The following PDE8B variants were observed in gnomAD, a reference collection of about 807,000 sequenced individuals.
PDE8B encodes the protein high affinity cAMP-specific and IBMX-insensitive 3',5'-cyclic phosphodiesterase 8B.
A neutral mutation model predicts 101.3 loss-of-function variants in PDE8B; 26 were observed. The observed-to-expected ratio is 0.26, with a 90% CI of 0.19 to 0.36. The LOEUF (loss-of-function observed/expected upper bound fraction) is 0.36. Ranked by LOEUF, PDE8B falls within the 10% of genes least tolerant of loss-of-function variation. The pLI is 1.00. For missense variants in PDE8B, 810 were observed against 1,163.1 expected (o/e 0.70, Z 4.42); for synonymous variants, 424 against 429.3 (o/e 0.99, Z 0.15).
chr5:77,340,241 C>T (rs1310647717), intron 6 of PDE8B, among the ~76,000 whole-genome samples: 1 of 152,148 alleles, frequency 6.6e-6, no homozygotes, highest in Non-Finnish European at 1.5e-5. Flanking sequence ...AGTAGCAATC[C>T]TCAATTTTAG....
the PDE8B span, chr5:77,141,857 A>G: frequency 6.6e-6 from 1 of 152,190 alleles, no homozygotes; most frequent in Non-Finnish European, 1.5e-5. Flanking sequence ...TTCACGTTCT[A>G]TTTTGATATG....
At chr5:77,377,484 G>A (rs920568221) in intron 10 of PDE8B, among the ~76,000 whole-genome samples, 3 of 152,196 alleles carry the variant, frequency 2.0e-5, no homozygotes, top group Non-Finnish European at 4.4e-5. Context: ...ATAAAGACCG[G>A]CTTAAAAGCC....
intron 1 of PDE8B, chr5:77,290,326 G>T: frequency 6.6e-7 from 1 of 1,509,620 alleles, no homozygotes; most frequent in South Asian, 1.1e-5. Context: ...GTGGGGCTCC[G>T]AGAGGAAAAT....
chr5:77,180,048 C>T, the PDE8B span, among the ~76,000 whole-genome samples: 1 of 152,170 alleles, frequency 6.6e-6, no homozygotes, highest in Non-Finnish European at 1.5e-5. Flanking sequence ...GGCAAAGGCC[C>T]AACGAGAGGA....
the PDE8B span, among the ~76,000 whole-genome samples, chr5:77,130,514 A>G: frequency 6.6e-6 from 1 of 152,064 alleles, no homozygotes; most frequent in South Asian, 2.1e-4. Context: ...CCTTTCCCTT[A>G]TTATTTATTT....
chr5:77,189,621 A>C, the PDE8B span, among the ~76,000 whole-genome samples: 2 of 152,194 alleles, frequency 1.3e-5, no homozygotes, highest in Non-Finnish European at 2.9e-5. Context: ...AAAGGCCCTG[A>C]AGGAGCATGT....
intron 1 of PDE8B, among the ~76,000 whole-genome samples, chr5:77,252,268 C>G (rs935683698): frequency 8.5e-5 from 13 of 152,226 alleles, no homozygotes; most frequent in Non-Finnish European, 1.5e-4. Flanking sequence ...ACATTCTCCA[C>G]TTTTGGTGTC....
chr5:77,142,384 G>A, the PDE8B span: 8 of 152,230 alleles, frequency 5.3e-5, no homozygotes, highest in East Asian at 3.9e-4. Flanking sequence ...ACAAGTGTAC[G>A]TACCCATGGA....
At chr5:77,137,125 G>A in the PDE8B span, among the ~76,000 whole-genome samples, 1 of 152,158 alleles carries the variant, frequency 6.6e-6, no homozygotes, top group Non-Finnish European at 1.5e-5. Context: ...ATCATGTATT[G>A]TGATGTGCGC....
At chr5:77,164,425 C>T in the PDE8B span, among the ~76,000 whole-genome samples, 6 of 152,306 alleles carry the variant, frequency 3.9e-5, no homozygotes, top group South Asian at 1.0e-3. Flanking sequence ...CCTTTTGACC[C>T]AGTCACTCTG....
At chr5:77,176,455 T>A in the PDE8B span, among the ~76,000 whole-genome samples, 1 of 152,186 alleles carries the variant, frequency 6.6e-6, no homozygotes, top group African/African-American at 2.4e-5. Context: ...AAAAACATTT[T>A]AAGGACATTT....
At chr5:77,134,024 C>A in the PDE8B span, among the ~76,000 whole-genome samples, 2,231 of 152,178 alleles carry the variant, frequency 0.015, 23 homozygotes, top group Non-Finnish European at 0.025. Context: ...TACCTGGGGC[C>A]GATCTGTAGT....
chr5:77,386,938 C>A (rs1353325759), intron 10 of PDE8B, among the ~76,000 whole-genome samples: 3 of 119,024 alleles, frequency 2.5e-5, no homozygotes, highest in African/African-American at 1.0e-4. Context: ...CTGCGGACTG[C>A]AGTGGCGCAA....
At chr5:77,243,893 A>ACTC (rs1756318538) in intron 1 of PDE8B, among the ~76,000 whole-genome samples, 1 of 151,954 alleles carries the variant, frequency 6.6e-6, no homozygotes, top group Non-Finnish European at 1.5e-5. Flanking sequence ...TTGTATAGTG[A>ACTC]CTCCTTAAGT....
At chr5:77,387,098 T>G (rs983366710) in intron 10 of PDE8B, among the ~76,000 whole-genome samples, 1 of 151,716 alleles carries the variant, frequency 6.6e-6, no homozygotes, top group African/African-American at 2.4e-5. Context: ...TTAGCCAGGA[T>G]GGTCTCGATC....
chr5:77,414,038 G>A (rs1164854285), intron 17 of PDE8B, among the ~76,000 whole-genome samples: 3 of 152,152 alleles, frequency 2.0e-5, no homozygotes, highest in African/African-American at 4.8e-5. Context: ...AAATACCCCT[G>A]GGAGAAGTGC....
At chr5:77,222,241 C>T (rs1200825224) in intron 1 of PDE8B, among the ~76,000 whole-genome samples, 1 of 152,154 alleles carries the variant, frequency 6.6e-6, no homozygotes, top group African/African-American at 2.4e-5. Context: ...GAGGTACAGT[C>T]CCTGTAAACC....
intron 1 of PDE8B, among the ~76,000 whole-genome samples, chr5:77,261,005 T>C (rs1561432626): frequency 6.6e-6 from 1 of 152,124 alleles, no homozygotes; most frequent in Non-Finnish European, 1.5e-5. Flanking sequence ...GAAGAACAAA[T>C]TGGGAACGAT....
intron 2 of PDE8B, among the ~76,000 whole-genome samples, chr5:77,318,086 C>T (rs1235133118): frequency 7.4e-6 from 1 of 134,662 alleles, no homozygotes; most frequent in African/African-American, 2.7e-5. Flanking sequence ...AACACAACAA[C>T]AACAACAAAA....
Sources: gnomAD v4.1 joint callset for allele counts (sites outside exome capture counted in the v4.1 genomes callset) on GRCh38, gnomAD v4.1.1 for gene constraint, MANE v1.5 for transcripts, NCBI Gene and HGNC (gene_info 2026-07-23, HGNC 2026-07-21) for gene names.